Variants in WWOX observed in about 807,000 individuals in gnomAD.
WWOX encodes the protein WW domain containing oxidoreductase, also known as WW domain-containing oxidoreductase.
In WWOX, 69 loss-of-function variants were observed where a neutral mutation model predicts 46.2. The observed-to-expected ratio is 1.49, with a 90% CI of 1.23 to 1.82. The LOEUF (loss-of-function observed/expected upper bound fraction) is 1.82. WWOX is among the 40% of genes most tolerant of loss of function. The pLI is 0.00. For missense variants in WWOX, 919 were observed against 542.6 expected, an observed-to-expected ratio of 1.69 and a Z score of -6.89; for synonymous variants, 359 against 202.6, an observed-to-expected ratio of 1.77 and a Z score of -6.56.
chr16:78,102,924 A>G (rs550471550), intron 1 of WWOX, among the ~76,000 whole-genome samples: 1 of 152,176 alleles, frequency 6.6e-6, no homozygotes, highest in Admixed American at 6.5e-5. Context: ...ACAAAGATGC[A>G]CATGACCCGC....
At chr16:79,059,245 GCT>G (rs1472717008) in intron 8 of WWOX, among the ~76,000 whole-genome samples, 1 of 152,142 alleles carries the variant, frequency 6.6e-6, no homozygotes, top group Non-Finnish European at 1.5e-5. Context: ...ATCCTGAAAT[GCT>G]CTGTTTAACC....
intron 8 of WWOX, among the ~76,000 whole-genome samples, chr16:78,457,261 G>A (rs1298134943): frequency 6.6e-6 from 1 of 152,116 alleles, no homozygotes; most frequent in Non-Finnish European, 1.5e-5. Flanking sequence ...GGTAGCAAAA[G>A]CTCTCCTGCA....
chr16:78,590,710 G>A (rs887938852), intron 8 of WWOX, among the ~76,000 whole-genome samples: 2 of 152,178 alleles, frequency 1.3e-5, no homozygotes, highest in Non-Finnish European at 2.9e-5. Context: ...ACATCTCTAC[G>A]TTGTTGACGT....
intron 8 of WWOX, among the ~76,000 whole-genome samples, chr16:79,198,206 C>T (rs1200919413): frequency 6.6e-6 from 1 of 151,806 alleles, no homozygotes; most frequent in Non-Finnish European, 1.5e-5. Context: ...GGCATGGTGG[C>T]ATGTGCCTGC....
intron 8 of WWOX, among the ~76,000 whole-genome samples, chr16:78,757,838 C>T: frequency 6.6e-6 from 1 of 152,006 alleles, no homozygotes; most frequent in East Asian, 1.9e-4. Context: ...CCTCTTCTGA[C>T]AAGTCCACCA....
chr16:78,582,007 A>C (rs1212546702), intron 8 of WWOX, among the ~76,000 whole-genome samples: 3 of 152,216 alleles, frequency 2.0e-5, no homozygotes, highest in Non-Finnish European at 4.4e-5. Flanking sequence ...CATTGTTTTA[A>C]ATATTTCGTT....
chr16:79,062,948 C>T (rs1392820837), intron 8 of WWOX, among the ~76,000 whole-genome samples: 1 of 152,190 alleles, frequency 6.6e-6, no homozygotes, highest in African/African-American at 2.4e-5. Flanking sequence ...ATTACCCACC[C>T]AAATCAGCCA....
At chr16:78,882,813 A>G (rs1464095302) in intron 8 of WWOX, among the ~76,000 whole-genome samples, 1 of 149,186 alleles carries the variant, frequency 6.7e-6, no homozygotes, top group African/African-American at 2.5e-5. Flanking sequence ...TAAAGTTTTT[A>G]CAATGCCACC....
intron 8 of WWOX, among the ~76,000 whole-genome samples, chr16:78,738,566 C>T (rs1326832951): frequency 2.0e-5 from 3 of 152,068 alleles, no homozygotes; most frequent in African/African-American, 7.2e-5. Flanking sequence ...TAGAAGAGTG[C>T]AAGTTTGTTC....
chr16:78,864,378 C>A (rs1053229091), intron 8 of WWOX, among the ~76,000 whole-genome samples: 1 of 151,978 alleles, frequency 6.6e-6, no homozygotes, highest in South Asian at 2.1e-4. Context: ...AGCCATCCTC[C>A]CACCTCAGCC....
chr16:78,423,946 T>A (rs1251752090), intron 6 of WWOX, among the ~76,000 whole-genome samples: 1 of 151,992 alleles, frequency 6.6e-6, no homozygotes, highest in Non-Finnish European at 1.5e-5. Flanking sequence ...TCATTTAATC[T>A]GATCTCTATA....
At chr16:79,040,847 G>A (rs959736708) in intron 8 of WWOX, among the ~76,000 whole-genome samples, 4 of 151,948 alleles carry the variant, frequency 2.6e-5, no homozygotes, top group Admixed American at 6.6e-5. Flanking sequence ...ATTTTTTTCC[G>A]ATCACAGAAA....
At chr16:79,098,959 T>G (rs1237491025) in intron 8 of WWOX, among the ~76,000 whole-genome samples, 8 of 152,236 alleles carry the variant, frequency 5.3e-5, no homozygotes. Flanking sequence ...GAAGTTTGTT[T>G]GATTCACAGT....
At chr16:79,099,515 C>A (rs1034938312) in intron 8 of WWOX, among the ~76,000 whole-genome samples, 7 of 151,816 alleles carry the variant, frequency 4.6e-5, no homozygotes, top group Admixed American at 2.6e-4. Context: ...ACTATGCTGG[C>A]CAGTTTCTTT....
chr16:78,351,844 A>T (rs1022037897), intron 5 of WWOX, among the ~76,000 whole-genome samples: 1 of 152,026 alleles, frequency 6.6e-6, no homozygotes. Flanking sequence ...TTTACTCGAG[A>T]CGTAGTTTCA....
At chr16:79,164,688 G>T (rs1174512945) in intron 8 of WWOX, among the ~76,000 whole-genome samples, 1 of 152,190 alleles carries the variant, frequency 6.6e-6, no homozygotes, top group Non-Finnish European at 1.5e-5. Context: ...CGCTCTGACA[G>T]CTGCATAATT....
At chr16:78,913,965 C>T (rs1198166789) in intron 8 of WWOX, among the ~76,000 whole-genome samples, 2 of 151,936 alleles carry the variant, frequency 1.3e-5, no homozygotes, top group African/African-American at 4.8e-5. Flanking sequence ...GTGGCCCATA[C>T]TGCTATTCCA....
chr16:78,689,758 T>C (rs964843205), intron 8 of WWOX, among the ~76,000 whole-genome samples: 1 of 152,216 alleles, frequency 6.6e-6, no homozygotes, highest in Non-Finnish European at 1.5e-5. Flanking sequence ...TTGAGCCCTA[T>C]CTCTCTCCCC....
chr16:78,569,654 A>G (rs1373216337), intron 8 of WWOX, among the ~76,000 whole-genome samples: 1 of 152,252 alleles, frequency 6.6e-6, no homozygotes, highest in African/African-American at 2.4e-5. Context: ...TAGAGTAGAC[A>G]TAACATTTTT....
Sources: allele counts gnomAD v4.1 joint callset (sites outside exome capture counted in the v4.1 genomes callset), GRCh38; gene constraint gnomAD v4.1.1; transcripts MANE v1.5; gene names NCBI Gene and HGNC (gene_info 2026-07-23, HGNC 2026-07-21).